The following CAMK4 variants were observed in gnomAD, a reference collection of about 807,000 sequenced individuals.
The protein encoded by CAMK4 is calcium/calmodulin dependent protein kinase IV, also known as calcium/calmodulin-dependent protein kinase type IV.
Under a neutral mutation model 44.9 loss-of-function variants are expected in CAMK4, and 22 were observed. That is an observed-to-expected ratio of 0.49 (90% confidence interval 0.35 to 0.70). The LOEUF is 0.70. Ranked by LOEUF, CAMK4 falls within the 30% of genes least tolerant of loss-of-function variation. The pLI, the probability that CAMK4 is intolerant of heterozygous loss-of-function variation, is 0.01. For missense variants in CAMK4, 498 were observed against 586.8 expected, an observed-to-expected ratio of 0.85 and a Z score of 1.56; for synonymous variants, 218 against 215.4, an observed-to-expected ratio of 1.01 and a Z score of -0.11.
At chr5:111,349,605 G>A (rs1750008767) in intron 2 of CAMK4, among the ~76,000 whole-genome samples, 1 of 151,994 alleles carries the variant, frequency 6.6e-6, no homozygotes, top group Admixed American at 6.6e-5. Flanking sequence ...ACTCTGCTGA[G>A]TTAAATAGAA....
intron 1 of CAMK4, among the ~76,000 whole-genome samples, chr5:111,288,464 A>G (rs1280029867): frequency 6.6e-6 from 1 of 152,340 alleles, no homozygotes; most frequent in African/African-American, 2.4e-5. Context: ...CATCTTTGCC[A>G]TATCACACTA....
chr5:111,452,425 T>C (rs2112984280), intron 7 of CAMK4, among the ~76,000 whole-genome samples: 1 of 152,322 alleles, frequency 6.6e-6, no homozygotes, highest in South Asian at 2.1e-4. Context: ...TGTAAATATC[T>C]TGATGATAAC....
intron 1 of CAMK4, among the ~76,000 whole-genome samples, chr5:111,257,882 A>C (rs909247836): frequency 6.6e-6 from 1 of 152,188 alleles, no homozygotes; most frequent in African/African-American, 2.4e-5. Context: ...ATCCTAAGCA[A>C]ACTAACACAG....
chr5:111,482,636 G>T lies in CAMK4; in HGVS notation c.829-149G>T. Reference sequence around the variant, plus strand: ...CTACCTGAAGCTGTGCCTACCTACAGTGGCCCCTGAGGACTTAAACAATTT... The same window carrying T: ...CTACCTGAAGCTGTGCCTACCTACATTGGCCCCTGAGGACTTAAACAATTT... On this transcript the variant is annotated intron_variant, in intron 9 of 10. Transcript: ENST00000282356. The surrounding 1 kb of genome is among the most constrained non-coding windows in gnomAD (Gnocchi z 4.9). 1.8e-6 allele frequency: 1 copy of T among 551,692 alleles called. No homozygotes were observed. 34.2% of individuals were successfully genotyped at this position (551,692 alleles called of 1,614,324 possible).
In CAMK4 at chr5:111,485,163, ACT is replaced by A. The variant is rs1324274569; in HGVS notation, c.*699_*700del. The A allele has an allele frequency of 6.6e-6, 1 of 152,146 alleles. No individual in the cohort carries two copies. Among genetic ancestry groups the A allele is most frequent in the Non-Finnish European group, 1.5e-5 (1 of 68,018 alleles). 9.4% of individuals were successfully genotyped at this position (152,146 alleles called of 1,614,324 possible). A position where few individuals can be genotyped will look rare whatever the true frequency, so the allele number is the denominator to read the frequency against. ...CAACCCTGGAGGAAGTAATTTACAA[ACT>A]CACGCTGAGTTCCATTCTTTCCTTC... On this transcript the variant is annotated 3_prime_UTR_variant, in exon 11 of 11. Coordinates refer to ENST00000282356, the MANE Select transcript of CAMK4 (RefSeq NM_001744.6).
chr5:111,243,111 GC>G (rs990889974), intron 1 of CAMK4, among the ~76,000 whole-genome samples: 3 of 152,156 alleles, frequency 2.0e-5, no homozygotes, highest in African/African-American at 7.2e-5. Context: ...GCACAGTAAG[GC>G]AGATTTCACT....
At position 111,344,038 on chromosome 5, in the gene CAMK4, T is replaced by C. The variant is rs1749760700; in HGVS notation, c.176T>C (p.Ile59Thr). The change falls in exon 2 of 11, where the codon ATT becomes ACT. Residue 59 changes from isoleucine to threonine, a missense_variant. Ile to Thr is a moderately conservative substitution (Grantham distance 89). This residue lies in a region of CAMK4 where 152 missense variants were observed against 143.7 expected (regional missense o/e 1.06). Transcript: ENST00000282356. Reference sequence around the variant, plus strand: ...TCCCCCTCAAGGGGTGCTACATCCATTGTGTACAGATGCAAACAGAAGGGG... The same window carrying C: ...TCCCCCTCAAGGGGTGCTACATCCACTGTGTACAGATGCAAACAGAAGGGG... Reference protein sequence around the residue: ...ESELGRGATSIVYRCKQKGTQ... With the variant: ...ESELGRGATSTVYRCKQKGTQ... 6.2e-7 allele frequency: 1 copy of C among 1,601,890 alleles called. No homozygotes were observed. Among genetic ancestry groups the C allele is most frequent in the Non-Finnish European group, 8.5e-7 (1 of 1,170,076 alleles).
At chr5:111,286,019 C>T (rs1247138163) in intron 1 of CAMK4, among the ~76,000 whole-genome samples, 6 of 152,084 alleles carry the variant, frequency 3.9e-5, no homozygotes, top group South Asian at 2.1e-4. Context: ...TAGCCAGAGT[C>T]GATCAGAGGC....
intron 1 of CAMK4, among the ~76,000 whole-genome samples, chr5:111,247,378 T>C (rs1749285894): frequency 6.8e-6 from 1 of 147,542 alleles, no homozygotes; most frequent in East Asian, 2.0e-4. Context: ...AATAAACTTA[T>C]AAATGGAACT....
intron 5 of CAMK4, among the ~76,000 whole-genome samples, chr5:111,443,283 C>T (rs57607266): frequency 0.046 from 1,556 of 33,532 alleles, 6 homozygotes; most frequent in East Asian, 0.09. Flanking sequence ...TATATATACA[C>T]ACACACACAC....
chr5:111,374,740 A>G (rs1561447914), intron 2 of CAMK4, 110 bp from the exon 3 acceptor site: 1 of 696,338 alleles, frequency 1.4e-6, no homozygotes, highest in East Asian at 2.6e-5. Flanking sequence ...CTAAGGAATT[A>G]GGCTCTGCGA....
intron 4 of CAMK4, among the ~76,000 whole-genome samples, chr5:111,383,925 T>C (rs1751505569): frequency 6.6e-6 from 1 of 152,170 alleles, no homozygotes. Flanking sequence ...TATGACTCTA[T>C]GACTTTATAA....
At chr5:111,357,954 A>AT (rs1750437292) in intron 2 of CAMK4, 2 of 152,068 alleles carry the variant, frequency 1.3e-5, no homozygotes, top group Admixed American at 1.3e-4. Context: ...AAATCTGGGC[A>AT]TTTTTTATAG....
intron 1 of CAMK4, among the ~76,000 whole-genome samples, chr5:111,282,326 T>C (rs1446925195): frequency 6.6e-6 from 1 of 152,162 alleles, no homozygotes; most frequent in Non-Finnish European, 1.5e-5. Flanking sequence ...AGCTAGAAAA[T>C]TAAGAAAAGG....
chr5:111,413,057 G>T (rs773072747), intron 5 of CAMK4, among the ~76,000 whole-genome samples: 17 of 152,196 alleles, frequency 1.1e-4, no homozygotes, highest in Non-Finnish European at 1.6e-4. Flanking sequence ...AACATCATGG[G>T]CTCGCCCTTG....
At chr5:111,299,964 C>T (rs752485312) in intron 1 of CAMK4, among the ~76,000 whole-genome samples, 2 of 151,102 alleles carry the variant, frequency 1.3e-5, no homozygotes, top group African/African-American at 2.5e-5. Flanking sequence ...GGGTCCCCTC[C>T]CTAAGCAAGC....
chr5:111,365,627 G>T (rs1750762818), intron 2 of CAMK4, among the ~76,000 whole-genome samples: 1 of 152,024 alleles, frequency 6.6e-6, no homozygotes, highest in Non-Finnish European at 1.5e-5. Flanking sequence ...AGGAAGAAGG[G>T]AGGAGAAATG....
At chr5:111,289,192 CA>C (rs896565545) in intron 1 of CAMK4, among the ~76,000 whole-genome samples, 3 of 151,874 alleles carry the variant, frequency 2.0e-5, no homozygotes, top group African/African-American at 7.3e-5. Flanking sequence ...ACTAAAAACA[CA>C]AAATTAGCTG....
chr5:111,459,839 A>G (rs1256857255), intron 7 of CAMK4, among the ~76,000 whole-genome samples: 1 of 151,872 alleles, frequency 6.6e-6, no homozygotes, highest in Non-Finnish European at 1.5e-5. Flanking sequence ...AGTAGCTGGG[A>G]CTACAGGTGC....
Sources: allele counts gnomAD v4.1 joint callset (sites outside exome capture counted in the v4.1 genomes callset), GRCh38; gene constraint gnomAD v4.1.1; regional missense constraint gnomAD v4.1.1; non-coding constraint Gnocchi (gnomAD v3.1); transcripts MANE v1.5; gene names NCBI Gene and HGNC (gene_info 2026-07-23, HGNC 2026-07-21).